LUZP2: variants seen among roughly 807,000 people sequenced by gnomAD.
LUZP2 encodes the protein leucine zipper protein 2.
In LUZP2, 52 loss-of-function variants were observed where a neutral mutation model predicts 51.6. The ratio of observed to expected loss-of-function variants is 1.01; its 90% CI spans 0.81 to 1.27. The LOEUF (loss-of-function observed/expected upper bound fraction) is 1.27, where lower values mean the gene tolerates loss of function less well. Among genes scored for constraint, LUZP2 ranks in the 50% most tolerant of loss-of-function variants. The probability of loss-of-function intolerance (pLI) is 0.00; values close to 1 mark genes in which losing one functional copy is unlikely to be tolerated. For synonymous variants in LUZP2, 154 were observed against 137.3 expected (o/e 1.12, Z -0.85); for missense variants, 436 against 395.4 (o/e 1.10, Z -0.87).
chr11:24,507,776 C>T (rs970548143), intron 1 of LUZP2, among the ~76,000 whole-genome samples: 1 of 151,912 alleles, frequency 6.6e-6, no homozygotes, highest in African/African-American at 2.4e-5. Flanking sequence ...GTAATATTTA[C>T]GTGGTAAAAA....
intron 5 of LUZP2, among the ~76,000 whole-genome samples, chr11:24,827,599 G>A (rs543697274): frequency 6.6e-6 from 1 of 152,168 alleles, no homozygotes; most frequent in African/African-American, 2.4e-5. Flanking sequence ...ATTATAGCAG[G>A]ACAATATGAC....
At chr11:24,522,408 T>C (rs936629378) in intron 1 of LUZP2, among the ~76,000 whole-genome samples, 1 of 152,116 alleles carries the variant, frequency 6.6e-6, no homozygotes, top group African/African-American at 2.4e-5. Flanking sequence ...TTCATCTAAT[T>C]ATGCAATGCA....
At chr11:24,685,025 CTGTGTGTG>C (rs5741709) in intron 1 of LUZP2, among the ~76,000 whole-genome samples, 4,170 of 147,880 alleles carry the variant, frequency 0.028, 191 homozygotes, top group African/African-American at 0.095. Context: ...GTATTTTGCT[CTGTGTGTG>C]TGTGTGTGTG....
chr11:24,566,711 G>GTA (rs1056012695), intron 1 of LUZP2, among the ~76,000 whole-genome samples: 2 of 144,388 alleles, frequency 1.4e-5, no homozygotes, highest in Non-Finnish European at 3.0e-5. Flanking sequence ...ATGTGTGTGT[G>GTA]TATATATATG....
intron 4 of LUZP2, 103 bp downstream of exon 4, chr11:24,738,405 G>A: frequency 1.3e-6 from 1 of 750,004 alleles, no homozygotes; most frequent in Non-Finnish European, 2.3e-6. Flanking sequence ...AAAAATAAAA[G>A]TGAAAAGACA....
At chr11:24,627,263 T>C (rs1288983105) in intron 1 of LUZP2, among the ~76,000 whole-genome samples, 1 of 152,142 alleles carries the variant, frequency 6.6e-6, no homozygotes, top group Non-Finnish European at 1.5e-5. Flanking sequence ...ATATCCTAAG[T>C]CAACAAGATT....
At chr11:24,962,596 G>A (rs1039907860) in intron 7 of LUZP2, among the ~76,000 whole-genome samples, 1 of 152,120 alleles carries the variant, frequency 6.6e-6, no homozygotes, top group African/African-American at 2.4e-5. Context: ...TAGTTCTTGA[G>A]CCTTAGCTTT....
chr11:24,820,052 T>C (rs765200995), intron 5 of LUZP2, among the ~76,000 whole-genome samples: 2 of 152,126 alleles, frequency 1.3e-5, no homozygotes, highest in Non-Finnish European at 2.9e-5. Flanking sequence ...TACTGAGCGA[T>C]ATACACAAGA....
At chr11:24,735,464 G>T (rs1858900451) in intron 3 of LUZP2, among the ~76,000 whole-genome samples, 1 of 151,838 alleles carries the variant, frequency 6.6e-6, no homozygotes, top group Admixed American at 6.6e-5. Flanking sequence ...TAAGGTGGTT[G>T]GTTGGTAGAT....
At chr11:24,813,335 G>A (rs190920945) in intron 5 of LUZP2, among the ~76,000 whole-genome samples, 1 of 152,258 alleles carries the variant, frequency 6.6e-6, no homozygotes. Context: ...CTGAGATGAG[G>A]TAATTTATAA....
rs771626846 is a variant in LUZP2 at position 25,030,961 on chromosome 11, C to CATAT, written c.766-19076_766-19075insTATA. On this transcript the variant is annotated intron_variant, in intron 9 of 11. Coordinates refer to ENST00000336930, the MANE Select transcript of LUZP2 (RefSeq NM_001009909.4). ...TATTATATATATTATATATATAATA[C>CATAT]AATATATATTATATATATATAATAC... is the stretch of plus-strand genomic sequence containing the variant. Among the ~76,000 whole-genome samples the CATAT allele has an allele frequency of 4.3e-3, 35 of 8,194 alleles. 4 individuals are homozygous for CATAT. Among genetic ancestry groups the CATAT allele is most frequent in the African/African-American group, 0.029 (17 of 586 alleles). The allele number at this position is 8,194 out of a possible 152,430, so 5.4% of individuals were successfully genotyped here. A position where few individuals can be genotyped will look rare whatever the true frequency, so the allele number is the denominator to read the frequency against.
chr11:25,028,690 G>GTT (rs368130152), intron 9 of LUZP2, among the ~76,000 whole-genome samples: 4 of 144,462 alleles, frequency 2.8e-5, no homozygotes, highest in South Asian at 4.4e-4. Context: ...TAATTTGCAT[G>GTT]TTTTTTTTTT....
At chr11:24,825,514 A>G (rs1850498645) in intron 5 of LUZP2, among the ~76,000 whole-genome samples, 1 of 152,200 alleles carries the variant, frequency 6.6e-6, no homozygotes, top group South Asian at 2.1e-4. Context: ...TAAACACACT[A>G]GATTTGACAC....
intron 5 of LUZP2, among the ~76,000 whole-genome samples, chr11:24,840,158 C>G (rs1850984239): frequency 6.6e-6 from 1 of 151,782 alleles, no homozygotes; most frequent in South Asian, 2.1e-4. Flanking sequence ...GATCTGTAGA[C>G]TGTATGCTTA....
chr11:24,786,251 G>A (rs1482229015), intron 5 of LUZP2: 4 of 963,694 alleles, frequency 4.2e-6, no homozygotes, highest in Non-Finnish European at 4.9e-6. Context: ...TTGCATGCAT[G>A]CATGTTTGAT....
intron 7 of LUZP2, among the ~76,000 whole-genome samples, chr11:24,961,815 G>A (rs1314976362): frequency 8.1e-4 from 121 of 148,562 alleles, no homozygotes; most frequent in South Asian, 4.1e-3. Context: ...TATTTTGCTC[G>A]TTAGTTGATG....
At chr11:24,553,070 C>T (rs1283259363) in intron 1 of LUZP2, among the ~76,000 whole-genome samples, 1 of 151,410 alleles carries the variant, frequency 6.6e-6, no homozygotes, top group Non-Finnish European at 1.5e-5. Context: ...ACAATAATAA[C>T]TGTTACGTTA....
intron 1 of LUZP2, among the ~76,000 whole-genome samples, chr11:24,644,194 C>A (rs1855396563): frequency 6.6e-6 from 1 of 152,140 alleles, no homozygotes; most frequent in African/African-American, 2.4e-5. Context: ...CTTTAGCCAG[C>A]ACTCTCATTA....
At chr11:24,639,042 C>T (rs547947464) in intron 1 of LUZP2, among the ~76,000 whole-genome samples, 1 of 151,902 alleles carries the variant, frequency 6.6e-6, no homozygotes, top group East Asian at 1.9e-4. Flanking sequence ...GCTCTAGACT[C>T]TTACCTTCTC....
Sources: allele counts gnomAD v4.1 joint callset (sites outside exome capture counted in the v4.1 genomes callset), GRCh38; gene constraint gnomAD v4.1.1; transcripts MANE v1.5; gene names NCBI Gene and HGNC (gene_info 2026-07-23, HGNC 2026-07-21).